The following KDM2B variants were observed in gnomAD, a reference collection of about 807,000 sequenced individuals.
KDM2B encodes lysine demethylase 2B, also known as lysine-specific demethylase 2B.
In KDM2B, 26 loss-of-function variants were observed where a neutral mutation model predicts 150.0. The ratio of observed to expected loss-of-function variants is 0.17; its 90% CI spans 0.13 to 0.24. The LOEUF is 0.24. KDM2B is among the 10% of genes least tolerant of loss of function. The pLI, the probability that KDM2B is intolerant of heterozygous loss-of-function variation, is 1.00. For missense variants in KDM2B, 1,265 were observed against 1,816.9 expected (o/e 0.70, Z 5.52); for synonymous variants, 734 against 729.5 (o/e 1.01, Z -0.10).
chr12:121,582,078 CGT>C (rs1891986904), upstream of KDM2B, among the ~76,000 whole-genome samples: 3 of 152,204 alleles, frequency 2.0e-5, no homozygotes, highest in Admixed American at 2.0e-4. Flanking sequence ...AGTAGCCCTT[CGT>C]GTGAGTGCTG....
At chr12:121,519,496 G>A (rs1886506826) in intron 9 of KDM2B, among the ~76,000 whole-genome samples, 1 of 152,158 alleles carries the variant, frequency 6.6e-6, no homozygotes. Context: ...GATGAACCTG[G>A]AAATCATTAT....
chr12:121,529,941 A>G (rs1303482658), intron 8 of KDM2B, among the ~76,000 whole-genome samples: 3 of 149,132 alleles, frequency 2.0e-5, no homozygotes, highest in East Asian at 4.0e-4. Flanking sequence ...AAAAAAAAAA[A>G]AAGAAGAGCA....
rs528545763 is a variant in KDM2B, at chr12:121,555,206, C to G, written c.398-5568G>C. Among the ~76,000 whole-genome samples, 29 of 152,088 alleles carry G rather than the reference C, an allele frequency of 1.9e-4. 1 individual carries two copies. In the South Asian group the frequency reaches 6.0e-3, roughly 32 times the overall value. The stretch of plus-strand genomic sequence containing the variant: ...AAAAATTTTAAAAAACAGTAGATAG[C>G]AATCCTATTTTATAAAAAATGGATA... On this transcript the variant is annotated intron_variant, in intron 4 of 22. Transcript: ENST00000377071.
intron 22 of KDM2B, among the ~76,000 whole-genome samples, chr12:121,438,804 C>T (rs1874447711): frequency 6.6e-6 from 1 of 151,542 alleles, no homozygotes. Context: ...ATGGGGATGT[C>T]CTTAGTACTT....
Position 121,430,474 on chromosome 12 carries a change from AGAG to A in KDM2B, c.3830-8_3830-6del, listed in dbSNP as rs782080251. 1 of 1,610,772 alleles carries A rather than the reference AGAG, an allele frequency of 6.2e-7. No homozygotes were observed. Among genetic ancestry groups the A allele is most frequent in the Non-Finnish European group, 8.5e-7 (1 of 1,176,914 alleles). ...GATCAGTGACCTTATTGCAGTCTGC[AGAG>A]AAGAAATAGTAATGTGAGGTGTGAA... is the stretch of plus-strand genomic sequence containing the variant. On this transcript the variant is annotated splice_region_variant and splice_polypyrimidine_tract_variant and intron_variant, in intron 22 of 22. Transcript: ENST00000377071. The surrounding 1 kb of genome is among the most constrained non-coding windows in gnomAD (Gnocchi z 4.4).
At chr12:121,490,140 C>T (rs565727045) in intron 12 of KDM2B, among the ~76,000 whole-genome samples, 31 of 152,234 alleles carry the variant, frequency 2.0e-4, no homozygotes, top group African/African-American at 6.5e-4. Context: ...TGGGATGGAA[C>T]GGACCAACTT....
At chr12:121,527,700 A>G (rs1358082277) in intron 8 of KDM2B, among the ~76,000 whole-genome samples, 8 of 151,418 alleles carry the variant, frequency 5.3e-5, no homozygotes, top group African/African-American at 1.9e-4. Context: ...ACATTTTTCC[A>G]TAAATGCTTG....
At chr12:121,462,784 G>A (rs532563380) in intron 12 of KDM2B, among the ~76,000 whole-genome samples, 20 of 152,028 alleles carry the variant, frequency 1.3e-4, no homozygotes, top group African/African-American at 4.3e-4. Flanking sequence ...GAGCCACCGC[G>A]CCCGGCTGGC....
chr12:121,466,857 G>C (rs1372495216), intron 12 of KDM2B, among the ~76,000 whole-genome samples: 1 of 145,928 alleles, frequency 6.9e-6, no homozygotes, highest in African/African-American at 2.5e-5. Context: ...CCGGGCCGTG[G>C]CCGGCGCCCG....
intron 12 of KDM2B, among the ~76,000 whole-genome samples, chr12:121,478,518 C>T (rs1482992090): frequency 6.6e-6 from 1 of 151,018 alleles, no homozygotes; most frequent in African/African-American, 2.4e-5. Flanking sequence ...CGCCACTACG[C>T]CCAGATAATT....
intron 6 of KDM2B, among the ~76,000 whole-genome samples, chr12:121,540,596 C>CA (rs1479542386): frequency 3.3e-5 from 5 of 150,534 alleles, no homozygotes; most frequent in South Asian, 2.1e-4. Flanking sequence ...TGAAAAAATG[C>CA]AAAAAAATTA....
chr12:121,478,175 T>G (rs1256284000), intron 12 of KDM2B, among the ~76,000 whole-genome samples: 3 of 150,424 alleles, frequency 2.0e-5, no homozygotes, highest in African/African-American at 7.3e-5. Context: ...GCGTCCAGCT[T>G]CCAATATTTT....
At chr12:121,487,998 G>A (rs1046319544) in intron 12 of KDM2B, among the ~76,000 whole-genome samples, 2 of 152,102 alleles carry the variant, frequency 1.3e-5, no homozygotes, top group African/African-American at 4.8e-5. Flanking sequence ...GGCCAGGCTA[G>A]TCTCGAACTC....
In KDM2B at chr12:121,533,764, T is replaced by C. The variant is rs763196958; in HGVS notation, c.777+733A>G. On this transcript the variant is annotated intron_variant, in intron 7 of 22. Coordinates refer to ENST00000377071, the MANE Select transcript of KDM2B (RefSeq NM_032590.5). The surrounding 1 kb of genome is among the most constrained non-coding windows in gnomAD (Gnocchi z 4.1). ...GGCCTGCATGGGTGACTAGATGCGA[T>C]GTAAAAGGGCTGAACTTGACCTTGC... 6.6e-6 allele frequency among the ~76,000 whole-genome samples: 1 copy of C among 152,102 alleles called. No homozygotes were observed. Among genetic ancestry groups the C allele is most frequent in the Non-Finnish European group, 1.5e-5 (1 of 68,014 alleles).
chr12:121,575,919 G>T lies in KDM2B; in HGVS notation c.272-60C>A. ...AGTCACGAAGGAGCAAATGAACCGG[G>T]ATCTGTTGGTTAGGGGAAGAAAACT... On this transcript the variant is annotated intron_variant, in intron 2 of 22. Transcript: ENST00000377071. This position sits in a 1 kb window ranked among gnomAD's most constrained non-coding sequence, Gnocchi z 4.4. 2.3e-6 allele frequency: 3 copies of T among 1,315,784 alleles called. No homozygotes were observed. Among genetic ancestry groups the T allele is most frequent in the South Asian group, 1.2e-5 (1 of 84,894 alleles). 81.5% of individuals were successfully genotyped at this position (1,315,784 alleles called of 1,614,324 possible). A position where few individuals can be genotyped will look rare whatever the true frequency, so the allele number is the denominator to read the frequency against.
rs1885577904 is a variant in KDM2B at position 121,511,359 on chromosome 12, A to T, written c.1175-1320T>A. Among the ~76,000 whole-genome samples the T allele has an allele frequency of 2.3e-5, 3 of 127,984 alleles. No individual in the cohort carries two copies. The South Asian group carries it at 7.4e-4, about 32-fold the overall frequency. 84.0% of individuals were successfully genotyped at this position (127,984 alleles called of 152,430 possible). ...TGGAGTGCAATGGCGCGATCTCGGC[A>T]CACCGCAACCTCCGCCTCCCAGGTT... On this transcript the variant is annotated intron_variant, in intron 10 of 22. Coordinates refer to ENST00000377071, the MANE Select transcript of KDM2B (RefSeq NM_032590.5).
chr12:121,478,196 ATGTTCAGCAGTACATGGGCGGGTT>A (rs1316006037), intron 12 of KDM2B, among the ~76,000 whole-genome samples: 1 of 150,830 alleles, frequency 6.6e-6, no homozygotes, highest in Non-Finnish European at 1.5e-5. Context: ...TTTTCTTTTT[ATGTTCAGCAGTACATGGGCGGGTT>A]TGTTATATAG....
rs1273391696 is a variant in KDM2B at position 121,467,342 on chromosome 12, G to A, written c.1735-13998C>T. 4 of 981,788 alleles carry A rather than the reference G, an allele frequency of 4.1e-6. No homozygotes were observed. The highest frequency in any genetic ancestry group is 1.8e-5 in the African/African-American group (1 of 56,736). The allele number at this position is 981,788 out of a possible 1,614,324, so 60.8% of individuals were successfully genotyped here. ...CGGGCTCGGGCTCCCGCTGCCGCGA[G>A]GAGGGAGCCGCGCCGCGCGCCTCGC... is the stretch of plus-strand genomic sequence containing the variant. On this transcript the variant is annotated intron_variant, in intron 12 of 22. Transcript: ENST00000377071. The surrounding 1 kb of genome is among the most constrained non-coding windows in gnomAD (Gnocchi z 5.1).
At chr12:121,488,757 G>C (rs972336528) in intron 12 of KDM2B, among the ~76,000 whole-genome samples, 1 of 151,890 alleles carries the variant, frequency 6.6e-6, no homozygotes, top group African/African-American at 2.4e-5. Flanking sequence ...GAGTAGCTGG[G>C]ATTACAGGTG....
Sources: allele counts gnomAD v4.1 joint callset (sites outside exome capture counted in the v4.1 genomes callset), GRCh38; gene constraint gnomAD v4.1.1; non-coding constraint Gnocchi (gnomAD v3.1); transcripts MANE v1.5; gene names NCBI Gene and HGNC (gene_info 2026-07-23, HGNC 2026-07-21).